GPM6A: variants seen among roughly 807,000 people sequenced by gnomAD.
GPM6A encodes the protein glycoprotein M6A, also known as neuronal membrane glycoprotein M6-a.
Under a neutral mutation model 32.1 loss-of-function variants are expected in GPM6A, and 7 were observed. The ratio of observed to expected loss-of-function variants is 0.22; its 90% CI spans 0.12 to 0.41. GPM6A has a LOEUF of 0.41. GPM6A is among the 10% of genes least tolerant of loss of function. The probability of loss-of-function intolerance (pLI) is 1.00; values close to 1 mark genes in which losing one functional copy is unlikely to be tolerated. For missense variants in GPM6A, 235 were observed against 347.2 expected (o/e 0.68, Z 2.57); for synonymous variants, 130 against 123.4 (o/e 1.05, Z -0.35).
At chr4:175,978,621 G>GA (rs887719907) in intron 1 of GPM6A, among the ~76,000 whole-genome samples, 1 of 152,074 alleles carries the variant, frequency 6.6e-6, no homozygotes, top group Admixed American at 6.5e-5. Context: ...AGTCAATGCT[G>GA]AAAAAACAAA....
At chr4:175,789,299 T>G (rs908386237) in intron 1 of GPM6A, among the ~76,000 whole-genome samples, 1 of 152,204 alleles carries the variant, frequency 6.6e-6, no homozygotes, top group Non-Finnish European at 1.5e-5. Flanking sequence ...TTCAGCTTCT[T>G]GATTAATCAA....
chr4:175,993,434 AAAAGTCCTTCTTGCCTT>A (rs1561026712), intron 1 of GPM6A, among the ~76,000 whole-genome samples: 1 of 151,970 alleles, frequency 6.6e-6, no homozygotes, highest in Non-Finnish European at 1.5e-5. Context: ...TTTTCAGCTG[AAAAGTCCTTCTTGCCTT>A]AATGTTCTAG....
At chr4:175,844,128 A>G (rs1560961280) in intron 1 of GPM6A, among the ~76,000 whole-genome samples, 1 of 152,192 alleles carries the variant, frequency 6.6e-6, no homozygotes, top group Non-Finnish European at 1.5e-5. Flanking sequence ...TCCAGAGTTG[A>G]GCCTAATCTC....
At chr4:175,958,934 T>C (rs1740077302) in intron 1 of GPM6A, among the ~76,000 whole-genome samples, 1 of 152,134 alleles carries the variant, frequency 6.6e-6, no homozygotes, top group African/African-American at 2.4e-5. Flanking sequence ...TACCTGCAAA[T>C]GTAAAAAATG....
chr4:175,936,286 A>G (rs1263098678), intron 1 of GPM6A, among the ~76,000 whole-genome samples: 1 of 122,620 alleles, frequency 8.2e-6, no homozygotes, highest in Non-Finnish European at 1.6e-5. Flanking sequence ...AGCCTGGGCG[A>G]CACAGCGAGA....
intron 1 of GPM6A, among the ~76,000 whole-genome samples, chr4:175,876,216 G>A (rs528341564): frequency 3.3e-5 from 5 of 152,232 alleles, no homozygotes; most frequent in Non-Finnish European, 7.4e-5. Context: ...CCTAAGAGGA[G>A]TGTGGTGACA....
chr4:175,965,861 C>G (rs1041722575), intron 1 of GPM6A, among the ~76,000 whole-genome samples: 47 of 152,100 alleles, frequency 3.1e-4, no homozygotes, highest in Non-Finnish European at 8.8e-5. Context: ...ATCTGCCCAC[C>G]TCAGCCTCCC....
intron 1 of GPM6A, among the ~76,000 whole-genome samples, chr4:175,723,453 C>G (rs1436698243): frequency 6.6e-6 from 1 of 152,006 alleles, no homozygotes; most frequent in Non-Finnish European, 1.5e-5. Context: ...GATTTTTAAA[C>G]TCCTTAGATG....
At chr4:175,647,030 G>C (rs145259015) in intron 4 of GPM6A, among the ~76,000 whole-genome samples, 1 of 152,158 alleles carries the variant, frequency 6.6e-6, no homozygotes, top group African/African-American at 2.4e-5. Context: ...GACCTAGATC[G>C]AATCCCTGCT....
intron 1 of GPM6A, among the ~76,000 whole-genome samples, chr4:175,786,637 C>T (rs1267375571): frequency 6.6e-6 from 1 of 152,076 alleles, no homozygotes; most frequent in African/African-American, 2.4e-5. Flanking sequence ...TCTAGACGTT[C>T]CCTTCTCCCT....
chr4:175,816,600 G>A (rs1402182204), upstream of GPM6A, among the ~76,000 whole-genome samples: 1 of 152,154 alleles, frequency 6.6e-6, no homozygotes, highest in Non-Finnish European at 1.5e-5. Context: ...TAGTCCCTGG[G>A]TCAGAGAACA....
intron 1 of GPM6A, among the ~76,000 whole-genome samples, chr4:175,819,657 G>A (rs1157114389): frequency 6.6e-6 from 1 of 152,096 alleles, no homozygotes; most frequent in African/African-American, 2.4e-5. Context: ...AACAGGGTGG[G>A]GAAGATGGGA....
chr4:175,893,575 G>A (rs899653424), intron 1 of GPM6A, among the ~76,000 whole-genome samples: 3 of 151,978 alleles, frequency 2.0e-5, no homozygotes, highest in Admixed American at 2.0e-4. Context: ...TGATCCTCCA[G>A]CACCTTCATG....
chr4:175,926,377 A>G (rs551152818), intron 1 of GPM6A, among the ~76,000 whole-genome samples: 1 of 152,316 alleles, frequency 6.6e-6, no homozygotes, highest in Non-Finnish European at 1.5e-5. Context: ...AATGTGCCTT[A>G]AGATTTAATA....
At chr4:175,812,859 TTTAG>T (rs1734984541), upstream of GPM6A, 1 of 985,132 alleles carries the variant, frequency 1.0e-6, no homozygotes, top group Non-Finnish European at 1.2e-6. Context: ...TCACTAAGTA[TTTAG>T]TTAATTTGAT....
intron 1 of GPM6A, among the ~76,000 whole-genome samples, chr4:175,704,776 A>T (rs949178279): frequency 6.6e-6 from 1 of 152,158 alleles, no homozygotes; most frequent in Non-Finnish European, 1.5e-5. Flanking sequence ...AGATAGATGA[A>T]CATGTTTCAC....
intron 1 of GPM6A, among the ~76,000 whole-genome samples, chr4:175,903,724 T>C (rs1286451813): frequency 6.6e-6 from 1 of 152,166 alleles, no homozygotes; most frequent in East Asian, 1.9e-4. Flanking sequence ...AAGTGTCCTA[T>C]AATTTTTTTA....
At chr4:175,671,992 A>AG (rs1743102161) in intron 3 of GPM6A, among the ~76,000 whole-genome samples, 1 of 132,460 alleles carries the variant, frequency 7.5e-6, no homozygotes, top group East Asian at 2.8e-4. Context: ...TAGAAAAAAA[A>AG]AAAAAGAAAG....
At chr4:175,976,471 G>A (rs1451493483) in intron 1 of GPM6A, among the ~76,000 whole-genome samples, 2 of 151,930 alleles carry the variant, frequency 1.3e-5, no homozygotes, top group African/African-American at 2.4e-5. Context: ...CAGCCAATAT[G>A]TTGTCTTTCA....
Sources: gnomAD v4.1 joint callset for allele counts (sites outside exome capture counted in the v4.1 genomes callset) on GRCh38, gnomAD v4.1.1 for gene constraint, MANE v1.5 for transcripts, NCBI Gene and HGNC (gene_info 2026-07-23, HGNC 2026-07-21) for gene names.